Variants in MIA2 observed in about 807,000 individuals in gnomAD.
MIA2 encodes MIA SH3 domain ER export factor 2, also known as melanoma inhibitory activity protein 2.
In MIA2, 127 loss-of-function variants were observed where a neutral mutation model predicts 167.8. The ratio of observed to expected loss-of-function variants is 0.76; its 90% CI spans 0.66 to 0.88. The LOEUF (loss-of-function observed/expected upper bound fraction) is 0.88. Ranked by LOEUF, MIA2 falls within the 40% of genes least tolerant of loss-of-function variation. MIA2 has a pLI of 0.00. For missense variants in MIA2, 1,690 were observed against 1,624.7 expected (o/e 1.04, Z -0.69); for synonymous variants, 552 against 541.9 (o/e 1.02, Z -0.26).
chr14:39,241,598 G>A (rs1440188926), intron 3 of MIA2, among the ~76,000 whole-genome samples: 1 of 152,180 alleles, frequency 6.6e-6, no homozygotes, highest in Non-Finnish European at 1.5e-5. Flanking sequence ...GGGACTACAG[G>A]TGTGCCAACA....
At chr14:39,282,599 G>A (rs1403259845) in intron 9 of MIA2, among the ~76,000 whole-genome samples, 1 of 151,866 alleles carries the variant, frequency 6.6e-6, no homozygotes, top group Admixed American at 6.6e-5. Flanking sequence ...ATTGAGACAG[G>A]GTCTCATTCT....
chr14:39,295,702 GGC>G (rs893269014), intron 13 of MIA2, among the ~76,000 whole-genome samples: 7 of 152,104 alleles, frequency 4.6e-5, no homozygotes, highest in Non-Finnish European at 8.8e-5. Context: ...TGGGACTACA[GGC>G]GCGCGCCTCC....
At chr14:39,289,008 C>T (rs569666398) in intron 9 of MIA2, among the ~76,000 whole-genome samples, 2 of 152,038 alleles carry the variant, frequency 1.3e-5, no homozygotes, top group South Asian at 2.1e-4. Flanking sequence ...GGAAATATTC[C>T]CTCCTGTTGT....
At position 39,385,639 on chromosome 14, in the gene MIA2, G is replaced by C. The variant is rs557560250; in HGVS notation, c.2249-1246G>C. 5.0e-5 allele frequency: 42 copies of C among 846,602 alleles called. No homozygotes were observed. The South Asian group carries it at 5.5e-4, about 11-fold the overall frequency. The allele number at this position is 846,602 out of a possible 1,614,324, so 52.4% of individuals were successfully genotyped here. A position where few individuals can be genotyped will look rare whatever the true frequency, so the allele number is the denominator to read the frequency against. ...TGGATTGGGGCTTAATATTCTTCTG[G>C]ATGTTAGTTCTAAAAGCTTAAATGC... On this transcript the variant is annotated intron_variant, in intron 23 of 23. Transcript: ENST00000341502.
chr14:39,327,013 C>T lies in MIA2; in HGVS notation c.3646C>T (p.Pro1216Ser). 6.6e-7 allele frequency: 1 copy of T among 1,521,918 alleles called. No homozygotes were observed. The highest frequency in any genetic ancestry group is 8.8e-7 in the Non-Finnish European group (1 of 1,140,648). 94.3% of individuals were successfully genotyped at this position (1,521,918 alleles called of 1,614,324 possible). Residue 1216 changes from proline to serine, a missense_variant, in exon 25 of 29, where the codon CCT becomes TCT. Pro to Ser is a moderately conservative substitution (Grantham distance 74, BLOSUM62 -1). Coordinates refer to ENST00000640607, the MANE Select transcript of MIA2 (RefSeq NM_001329214.4). Reference sequence around the variant, plus strand: ...GGACCAGGACCGTAGGATGATGTTTCCTCCGCCAGGTATGTAAAGACAATA... The same window carrying T: ...GGACCAGGACCGTAGGATGATGTTTTCTCCGCCAGGTATGTAAAGACAATA... ...PWDQDRRMMFPPPGQSYPDSA... is the reference protein window; with the variant it reads ...PWDQDRRMMFSPPGQSYPDSA...
intron 23 of MIA2, among the ~76,000 whole-genome samples, chr14:39,363,168 C>G (rs73279364): frequency 0.017 from 2,638 of 152,270 alleles, 83 homozygotes; most frequent in African/African-American, 0.06. Context: ...AATGTATATT[C>G]TACAGCTGTC....
rs575312952 is a variant in MIA2 at position 39,375,294 on chromosome 14, T to G, written c.2249-11591T>G. Reference sequence around the variant, plus strand: ...AATGGTATTACTGAGAATGTTATCATTAGTTCATACTTTATTCATTATTTA... The same window carrying G: ...AATGGTATTACTGAGAATGTTATCAGTAGTTCATACTTTATTCATTATTTA... On this transcript the variant is annotated intron_variant, in intron 23 of 23. Transcript: ENST00000341502. Among the ~76,000 whole-genome samples, 3 of 152,240 alleles carry G rather than the reference T, an allele frequency of 2.0e-5. 1 individual carries two copies. The South Asian group carries it at 6.2e-4, about 31-fold the overall frequency.
chr14:39,295,286 T>G (rs73277466), intron 13 of MIA2, among the ~76,000 whole-genome samples: 2,920 of 152,256 alleles, frequency 0.019, 104 homozygotes, highest in African/African-American at 0.067. Context: ...ACCAACTTCT[T>G]AAAGCCATGC....
chr14:39,327,079 C>A lies in MIA2; in HGVS notation c.3655+57C>A, dbSNP rs3783291. ...TGAAAGGCAGCTGGGATGTGGAATACACAGGAATGGAAGAAGGGAGGAGTA... is the reference window on the plus strand; with the variant it reads ...TGAAAGGCAGCTGGGATGTGGAATAAACAGGAATGGAAGAAGGGAGGAGTA... On this transcript the variant is annotated intron_variant, in intron 25 of 28. Coordinates refer to ENST00000640607, the MANE Select transcript of MIA2 (RefSeq NM_001329214.4). 1,665 of 1,321,790 alleles carry A rather than the reference C, an allele frequency of 1.3e-3. 38 individuals carry two copies. The East Asian group carries it at 0.04, about 32-fold the overall frequency. The allele number at this position is 1,321,790 out of a possible 1,614,324, so 81.9% of individuals were successfully genotyped here.
chr14:39,269,647 A>G lies in MIA2; in HGVS notation c.1888-7287A>G, dbSNP rs115474766. Among the ~76,000 whole-genome samples, 1,309 of 151,884 alleles carry G rather than the reference A, an allele frequency of 8.6e-3. 18 individuals are homozygous for G. The highest frequency in any genetic ancestry group is 0.029 in the African/African-American group (1,187 of 41,412). The stretch of plus-strand genomic sequence containing the variant: ...TGATCCTCCCACCTCAGCCTCCTGA[A>G]TAGGTGGGACCACAGCACATGCCAC... On this transcript the variant is annotated intron_variant, in intron 6 of 28. Coordinates refer to ENST00000640607, the MANE Select transcript of MIA2 (RefSeq NM_001329214.4).
At chr14:39,263,534 A>C (rs906546637) in intron 6 of MIA2, among the ~76,000 whole-genome samples, 1 of 149,918 alleles carries the variant, frequency 6.7e-6, no homozygotes, top group African/African-American at 2.5e-5. Flanking sequence ...CATGCCCAGC[A>C]TCTTTCTTTT....
intron 6 of MIA2, among the ~76,000 whole-genome samples, chr14:39,267,958 G>A (rs1016611135): frequency 3.3e-5 from 5 of 149,560 alleles, no homozygotes; most frequent in Admixed American, 2.7e-4. Context: ...GGTTGGGCGG[G>A]GAGTTGAAAT....
At position 39,315,723 on chromosome 14, in the gene MIA2, G is replaced by C; in HGVS notation, c.3216+5G>C. The C allele has an allele frequency of 6.5e-7, 1 of 1,539,010 alleles. No homozygotes were observed. Among genetic ancestry groups the C allele is most frequent in the Non-Finnish European group, 8.9e-7 (1 of 1,126,164 alleles). On this transcript the variant is annotated splice_donor_5th_base_variant and intron_variant, in intron 21 of 28. Coordinates refer to ENST00000640607, the MANE Select transcript of MIA2 (RefSeq NM_001329214.4). The stretch of plus-strand genomic sequence containing the variant: ...AAAAAAGCACATGATAATTGGGTAA[G>C]TTTAAAATTTCCTTAAGTCTCTTTT...
intron 23 of MIA2, among the ~76,000 whole-genome samples, chr14:39,384,316 T>C (rs1485857656): frequency 6.6e-6 from 1 of 152,170 alleles, no homozygotes; most frequent in East Asian, 1.9e-4. Context: ...TTACTCAATA[T>C]TTTAAGCCCA....
At chr14:39,284,395 T>A (rs1489078759) in intron 9 of MIA2, among the ~76,000 whole-genome samples, 5 of 152,214 alleles carry the variant, frequency 3.3e-5, no homozygotes, top group Non-Finnish European at 5.9e-5. Flanking sequence ...CTCTATTCTG[T>A]TCCACTGGTC....
intron 6 of MIA2, among the ~76,000 whole-genome samples, chr14:39,275,170 A>G (rs1427578811): frequency 5.2e-5 from 1 of 19,266 alleles, no homozygotes; most frequent in African/African-American, 1.4e-4. Context: ...TGTGTGTCAG[A>G]GTCCAGTTTT....
rs770463310 is a variant in MIA2, at chr14:39,345,926, C to T, written c.3678C>T (p.Ala1226=). The T allele has an allele frequency of 1.2e-5, 20 of 1,611,096 alleles. No homozygotes were observed. Among genetic ancestry groups the T allele is most frequent in the Non-Finnish European group, 1.6e-5 (19 of 1,178,734 alleles). The part of the protein sequence containing the change: ...PPPGQSYPDS[A]LPPQRQDRFC... ...TAGGACAATCATATCCTGATTCAGC[C>T]CTTCCTCCACAAAGGCAAGACAGAT... The change falls in exon 26 of 29, where the codon GCC becomes GCT. Residue 1226 remains alanine (A), a synonymous_variant. Transcript: ENST00000640607.
At chr14:39,384,409 A>G (rs939360145) in intron 23 of MIA2, among the ~76,000 whole-genome samples, 1 of 152,146 alleles carries the variant, frequency 6.6e-6, no homozygotes, top group African/African-American at 2.4e-5. Context: ...TCTGATGGAG[A>G]TGTGCAAGGA....
rs145630952 is a variant in MIA2 at position 39,328,838 on chromosome 14, T to C, written c.3655+1816T>C. On this transcript the variant is annotated intron_variant, in intron 25 of 28. Coordinates refer to ENST00000640607, the MANE Select transcript of MIA2 (RefSeq NM_001329214.4). ...CCATTGTTCTATATGTCTGTTTTTGTACCAGTACCATGCTGTTTTGGCTAC... is the reference window on the plus strand; with the variant it reads ...CCATTGTTCTATATGTCTGTTTTTGCACCAGTACCATGCTGTTTTGGCTAC... 7.7e-3 allele frequency among the ~76,000 whole-genome samples: 1,179 copies of C among 152,346 alleles called. 14 individuals are homozygous for C. Among genetic ancestry groups the C allele is most frequent in the African/African-American group, 0.026 (1,075 of 41,572 alleles).
Sources: allele counts gnomAD v4.1 joint callset (sites outside exome capture counted in the v4.1 genomes callset), GRCh38; gene constraint gnomAD v4.1.1; transcripts MANE v1.5; gene names NCBI Gene and HGNC (gene_info 2026-07-23, HGNC 2026-07-21).